Variants in SRRM2 observed in about 807,000 individuals in gnomAD.
SRRM2 encodes the protein serine/arginine repetitive matrix protein 2.
In SRRM2, 30 loss-of-function variants were observed where a neutral mutation model predicts 213.8. That is an observed-to-expected ratio of 0.14 (90% CI 0.10 to 0.19). The LOEUF is 0.19. SRRM2 is among the 10% of genes least tolerant of loss of function. The pLI is 1.00. For missense variants in SRRM2, 4,904 were observed against 3,647.0 expected (o/e 1.34, Z -8.88); for synonymous variants, 2,025 against 1,377.7 (o/e 1.47, Z -10.40).
In SRRM2 at chr16:2,759,012, G is replaced by A. The variant is rs752006948; in HGVS notation, c.621G>A (p.Arg207=). ...GGTCAGAGAGCAGCTCTCCTCGACGGGAGAGAAAGAAAAGCTCAAAGAAGA... is the reference window on the plus strand; with the variant it reads ...GGTCAGAGAGCAGCTCTCCTCGACGAGAGAGAAAGAAAAGCTCAAAGAAGA... ...GRRSESSSPR[R]ERKKSSKKKK... is the part of the protein sequence containing the mutation. The change falls in exon 6 of 15, where the codon CGG becomes CGA. Residue 207 remains arginine, a synonymous_variant. Coordinates refer to ENST00000301740, the MANE Select transcript of SRRM2 (RefSeq NM_016333.4). 1 of 1,614,186 alleles carries A rather than the reference G, an allele frequency of 6.2e-7. No individual in the cohort carries two copies. The highest frequency in any genetic ancestry group is 8.5e-7 in the Non-Finnish European group (1 of 1,180,048).
intron 10 of SRRM2, among the ~76,000 whole-genome samples, chr16:2,761,070 A>C (rs2068327642): frequency 6.6e-6 from 1 of 152,136 alleles, no homozygotes; most frequent in Non-Finnish European, 1.5e-5. Context: ...ATTGCTTTTG[A>C]ATTATATTTA....
rs1338785684 is a variant in SRRM2 at position 2,766,814 on chromosome 16, A to G, written c.6286A>G (p.Thr2096Ala). 4.3e-6 allele frequency: 7 copies of G among 1,614,210 alleles called. No homozygotes were observed. Among genetic ancestry groups the G allele is most frequent in the Admixed American group, 3.3e-5 (2 of 60,032 alleles). Residue 2096 changes from threonine (T) to alanine (A), a missense_variant, in exon 11 of 15, where the codon ACA (threonine) becomes GCA (alanine). Physicochemically the swap from Thr to Ala is moderately conservative, Grantham distance 58. Coordinates refer to ENST00000301740, the MANE Select transcript of SRRM2 (RefSeq NM_016333.4). The surrounding 1 kb of genome is among the most constrained non-coding windows in gnomAD (Gnocchi z 7.0). ...TTCACGATCTGCTACTCCTCCAGCA[A>G]CAAGAAATCATTCTGGTTCACGGAC... is the stretch of plus-strand genomic sequence containing the variant. ...DRSRSATPPA[T>A]RNHSGSRTPP... is the part of the protein sequence containing the mutation.
chr16:2,757,079 A>G (rs929324368), intron 2 of SRRM2, among the ~76,000 whole-genome samples: 4 of 152,112 alleles, frequency 2.6e-5, no homozygotes, highest in African/African-American at 4.8e-5. Context: ...TTGGAAAAGG[A>G]GCCCATTAAG....
At chr16:2,754,563 T>TGGG (rs1239171775) in intron 1 of SRRM2, among the ~76,000 whole-genome samples, 2 of 152,176 alleles carry the variant, frequency 1.3e-5, no homozygotes, top group Non-Finnish European at 2.9e-5. Flanking sequence ...GTGCAGGTGT[T>TGGG]ACAGGCGTGA....
chr16:2,763,727 C>T lies in SRRM2; in HGVS notation c.3199C>T (p.His1067Tyr), dbSNP rs1221298757. Residue 1067 changes from histidine to tyrosine, a missense_variant, in exon 11 of 15, where the codon CAC becomes TAC. Coordinates refer to ENST00000301740, the MANE Select transcript of SRRM2 (RefSeq NM_016333.4). ...AGGACAATCTCAAACTTCACCAGACCACAGATCTGATACTTCAAGTCCAGA... is the reference window on the plus strand; with the variant it reads ...AGGACAATCTCAAACTTCACCAGACTACAGATCTGATACTTCAAGTCCAGA... ...LKGQSQTSPD[H>Y]RSDTSSPEVR... 6.2e-7 allele frequency: 1 copy of T among 1,613,994 alleles called. No homozygotes were observed. The highest frequency in any genetic ancestry group is 8.5e-7 in the Non-Finnish European group (1 of 1,180,040).
At chr16:2,760,018 G>T in intron 9 of SRRM2, 1 of 553,992 alleles carries the variant, frequency 1.8e-6, no homozygotes, top group South Asian at 2.1e-5. Context: ...GGTGAGTTGT[G>T]AATGAAGCGG....
At position 2,764,201 on chromosome 16, in the gene SRRM2, C is replaced by G. The variant is rs1276435143; in HGVS notation, c.3673C>G (p.Gln1225Glu). 23 of 1,614,062 alleles carry G rather than the reference C, an allele frequency of 1.4e-5. No homozygotes were observed. Among genetic ancestry groups the G allele is most frequent in the Middle Eastern group, 1.6e-4 (1 of 6,084 alleles). The change falls in exon 11 of 15, where the codon CAA becomes GAA. Residue 1225 changes from glutamine to glutamate, a missense_variant. Physicochemically the swap from Gln to Glu is conservative, Grantham distance 29. Transcript: ENST00000301740. ...TGGGTCATCTCCAGAAACAAAAGAG[C>G]AAAATAGTGCATTGCCTACGTCAAG... The part of the protein sequence containing the change: ...GAGSSPETKE[Q>E]NSALPTSSQD...
At chr16:2,755,580 G>C (rs72768756) in intron 1 of SRRM2, among the ~76,000 whole-genome samples, 2 of 149,954 alleles carry the variant, frequency 1.3e-5, no homozygotes, top group South Asian at 4.2e-4. Flanking sequence ...GAAGGAAATT[G>C]AAGGAATAAA....
In SRRM2 at chr16:2,768,662, ACAGGGGCCTCCC is replaced by A. The variant is rs1166387597; in HGVS notation, c.7734-332_7734-321del. The stretch of plus-strand genomic sequence containing the variant: ...CCCCTTCCCCAGCCAACCTGCACTC[ACAGGGGCCTCCC>A]CAAGCTGCGGCTCTCCGAGGAAGGA... On this transcript the variant is annotated intron_variant, in intron 11 of 14. Transcript: ENST00000301740. 4 of 645,092 alleles carry A rather than the reference ACAGGGGCCTCCC, an allele frequency of 6.2e-6. No individual in the cohort carries two copies. The East Asian group carries it at 1.3e-4, about 21-fold the overall frequency. 40.0% of individuals were successfully genotyped at this position (645,092 alleles called of 1,614,324 possible). A position where few individuals can be genotyped will look rare whatever the true frequency, so the allele number is the denominator to read the frequency against.
In SRRM2 at chr16:2,764,860, T is replaced by G. The variant is rs767066923; in HGVS notation, c.4332T>G (p.Ser1444=). The G allele has an allele frequency of 2.5e-6, 4 of 1,614,086 alleles. No homozygotes were observed. Among genetic ancestry groups the G allele is most frequent in the Non-Finnish European group, 3.4e-6 (4 of 1,180,028 alleles). ...CAAGGAGAAGCAGGTCTGGGTCTTC[T>G]CCAGGACTTAGAGATGGGTCTGGGA... is the stretch of plus-strand genomic sequence containing the variant. ...TPSRRSRSGS[S]PGLRDGSGTP... is the part of the protein sequence containing the mutation. The change falls in exon 11 of 15, where the codon TCT becomes TCG. Residue 1444 remains serine (S), a synonymous_variant. Coordinates refer to ENST00000301740, the MANE Select transcript of SRRM2 (RefSeq NM_016333.4).
At chr16:2,770,197 T>C (rs913665972) in intron 12 of SRRM2, 155 bp from the exon 13 acceptor site, 1 of 1,447,986 alleles carries the variant, frequency 6.9e-7, no homozygotes, top group Non-Finnish European at 9.1e-7. Context: ...GTGGATGGTG[T>C]GCGGGCGGAT....
Position 2,767,631 on chromosome 16 carries a change from G to A in SRRM2, c.7103G>A (p.Ser2368Asn), listed in dbSNP as rs374840151. The stretch of plus-strand genomic sequence containing the variant: ...GCCTTGGCCCCCGCGAGCCTCACCA[G>A]TGCTAGGATGGCTCCAGCATTGTCT... ...AAALAPASLTSARMAPALSGA... is the reference protein window; with the variant it reads ...AAALAPASLTNARMAPALSGA... The change falls in exon 11 of 15, where the codon AGT becomes AAT. Residue 2368 changes from serine to asparagine, a missense_variant. Coordinates refer to ENST00000301740, the MANE Select transcript of SRRM2 (RefSeq NM_016333.4). The A allele has an allele frequency of 6.2e-6, 10 of 1,614,050 alleles. No homozygotes were observed. In the African/African-American group the frequency reaches 1.3e-4, roughly 22 times the overall value.
Position 2,758,557 on chromosome 16 carries a change from T to G in SRRM2, c.593+10T>G, listed in dbSNP as rs1396678483. On this transcript the variant is annotated intron_variant, in intron 5 of 14. Transcript: ENST00000301740. ...AGAAAGATAGAGGACGGTAAGTTAGTTGGAAAGTGACTCTGATAGCCAGAG... is the reference window on the plus strand; with the variant it reads ...AGAAAGATAGAGGACGGTAAGTTAGGTGGAAAGTGACTCTGATAGCCAGAG... 2.5e-6 allele frequency: 4 copies of G among 1,612,926 alleles called. No individual in the cohort carries two copies. The highest frequency in any genetic ancestry group is 3.4e-6 in the Non-Finnish European group (4 of 1,178,948).
rs745870915 is a variant in SRRM2, at chr16:2,762,627, G to C, written c.2099G>C (p.Gly700Ala). The C allele has an allele frequency of 1.9e-6, 3 of 1,614,046 alleles. No individual in the cohort carries two copies. The African/African-American group carries it at 4.0e-5, about 22-fold the overall frequency. ...TCTCGGTCTAGGACACCAAGACGAG[G>C]AAGATCCCGCAGTAGAAGCTTAGTT... ...GRSRSRTPRRGRSRSRSLVRR... is the reference protein window; with the variant it reads ...GRSRSRTPRRARSRSRSLVRR... The change falls in exon 11 of 15, where the codon GGA (glycine) becomes GCA (alanine). Residue 700 changes from glycine (G) to alanine (A), a missense_variant. Transcript: ENST00000301740.
At chr16:2,756,295 G>T in intron 1 of SRRM2, 39 bp from the exon 2 acceptor site, 1 of 1,471,734 alleles carries the variant, frequency 6.8e-7, no homozygotes. Context: ...GTTAGTTTGG[G>T]GCCAGGGGCC....
In SRRM2 at chr16:2,765,116, C is replaced by T. The variant is rs1314238218; in HGVS notation, c.4588C>T (p.Arg1530Trp). The part of the protein sequence containing the change: ...ESSVDQKTVA[R>W]TPLGQRSRSG... ...ATCAGTTGATCAGAAAACTGTGGCTCGGACTCCCCTGGGGCAGAGAAGTCG... is the reference window on the plus strand; with the variant it reads ...ATCAGTTGATCAGAAAACTGTGGCTTGGACTCCCCTGGGGCAGAGAAGTCG... The change falls in exon 11 of 15, where the codon CGG (arginine) becomes TGG (tryptophan). Residue 1530 changes from arginine (R) to tryptophan (W), a missense_variant. By Grantham distance (101) the Arg-to-Trp change is moderately radical. Coordinates refer to ENST00000301740, the MANE Select transcript of SRRM2 (RefSeq NM_016333.4). The T allele has an allele frequency of 6.8e-6, 11 of 1,614,178 alleles. No homozygotes were observed. The highest frequency in any genetic ancestry group is 2.2e-5 in the East Asian group (1 of 44,876).
chr16:2,770,168 C>T, intron 12 of SRRM2, 184 bp from the exon 13 acceptor site: 1 of 1,440,490 alleles, frequency 6.9e-7, no homozygotes. Flanking sequence ...GCACCCTGTG[C>T]CTGCCCACTG....
chr16:2,755,909 T>C (rs1454597697), intron 1 of SRRM2, among the ~76,000 whole-genome samples: 1 of 152,182 alleles, frequency 6.6e-6, no homozygotes, highest in East Asian at 1.9e-4. Context: ...ACCAGGAGGC[T>C]TTGGTTGGTT....
At position 2,763,204 on chromosome 16, in the gene SRRM2, A is replaced by G. The variant is rs757218526; in HGVS notation, c.2676A>G (p.Ser892=). Reference sequence around the variant, plus strand: ...GGACCCCTTCTAGACATAGCTGCTCAGGGTCCTCTCCTCCTAGAGTGAAAT... The same window carrying G: ...GGACCCCTTCTAGACATAGCTGCTCGGGGTCCTCTCCTCCTAGAGTGAAAT... ...KSRTPSRHSC[S]GSSPPRVKSS... The change falls in exon 11 of 15, where the codon TCA becomes TCG. Residue 892 remains serine, a synonymous_variant. Transcript: ENST00000301740. 13 of 1,614,110 alleles carry G rather than the reference A, an allele frequency of 8.1e-6. No individual in the cohort carries two copies. In the South Asian group the frequency reaches 8.8e-5, roughly 11 times the overall value.
Sources: gnomAD v4.1 joint callset for allele counts (sites outside exome capture counted in the v4.1 genomes callset) on GRCh38, gnomAD v4.1.1 for gene constraint, Gnocchi (gnomAD v3.1) non-coding constraint, MANE v1.5 for transcripts, NCBI Gene and HGNC (gene_info 2026-07-23, HGNC 2026-07-21) for gene names.